The following RTKN2 variants were observed in gnomAD, a reference collection of about 807,000 sequenced individuals.
RTKN2 encodes the protein rhotekin 2.
A neutral mutation model predicts 71.5 loss-of-function variants in RTKN2; 69 were observed. The ratio of observed to expected loss-of-function variants is 0.96; its 90% CI spans 0.79 to 1.18. The LOEUF (loss-of-function observed/expected upper bound fraction) is 1.18, where lower values mean the gene tolerates loss of function less well. Ranked by LOEUF, RTKN2 falls within the 50% of genes most tolerant of loss-of-function variation. RTKN2 has a pLI of 0.00. For synonymous variants in RTKN2, 236 were observed against 236.5 expected, an observed-to-expected ratio of 1.00 and a Z score of 0.02; for missense variants, 724 against 719.7, an observed-to-expected ratio of 1.01 and a Z score of -0.07.
chr10:62,210,457 A>G (rs1180957214), intron 9 of RTKN2, among the ~76,000 whole-genome samples: 1 of 152,172 alleles, frequency 6.6e-6, no homozygotes, highest in Admixed American at 6.5e-5. Flanking sequence ...AAAAAATAAA[A>G]TACAAACACA....
intron 1 of RTKN2, among the ~76,000 whole-genome samples, chr10:62,268,284 G>A (rs1842901868): frequency 6.6e-6 from 1 of 152,236 alleles, no homozygotes; most frequent in Non-Finnish European, 1.5e-5. Context: ...GGAGGGCAGC[G>A]GACAGGTGCG....
chr10:62,190,165 C>T (rs1233143058), downstream of RTKN2, among the ~76,000 whole-genome samples: 4 of 151,774 alleles, frequency 2.6e-5, no homozygotes, highest in Non-Finnish European at 5.9e-5. Flanking sequence ...TCATTTAGGG[C>T]TTTAATGCAA....
chr10:62,225,003 T>C (rs1041581767), intron 6 of RTKN2, among the ~76,000 whole-genome samples: 1 of 152,216 alleles, frequency 6.6e-6, no homozygotes, highest in Admixed American at 6.5e-5. Context: ...CTGATTTATA[T>C]TAATTTCCCA....
intron 8 of RTKN2, among the ~76,000 whole-genome samples, chr10:62,186,925 C>A (rs1589322144): frequency 6.6e-6 from 1 of 152,182 alleles, no homozygotes; most frequent in Admixed American, 6.5e-5. Context: ...TTGATTGCGT[C>A]CCAGGAAGTT....
At chr10:62,191,525 G>A (rs903662333), downstream of RTKN2, among the ~76,000 whole-genome samples, 1 of 152,056 alleles carries the variant, frequency 6.6e-6, no homozygotes, top group Non-Finnish European at 1.5e-5. Flanking sequence ...CTTTCATACT[G>A]CCCACAGTGT....
At chr10:62,239,956 T>C (rs1564519598) in intron 4 of RTKN2, among the ~76,000 whole-genome samples, 191 bp from the exon 5 acceptor site, 1 of 152,078 alleles carries the variant, frequency 6.6e-6, no homozygotes, top group Non-Finnish European at 1.5e-5. Flanking sequence ...AGAACACAAT[T>C]AAACAAGGAA....
In RTKN2 at chr10:62,196,318, T is replaced by C. The variant is rs145745437; in HGVS notation, c.*1590A>G. On this transcript the variant is annotated 3_prime_UTR_variant, in exon 12 of 12. Coordinates refer to ENST00000373789, the MANE Select transcript of RTKN2 (RefSeq NM_145307.4). Reference sequence around the variant, plus strand: ...TTCCATACATGTGATGATCTCTACATGCTATCAAGCAGGCATATAGTACTT... The same window carrying C: ...TTCCATACATGTGATGATCTCTACACGCTATCAAGCAGGCATATAGTACTT... The C allele has an allele frequency of 3.3e-3, 3,223 of 984,084 alleles. 15 individuals are homozygous for C. Among genetic ancestry groups the C allele is most frequent in the Non-Finnish European group, 3.6e-3 (3,010 of 828,730 alleles). The allele number at this position is 984,084 out of a possible 1,614,324, so 61.0% of individuals were successfully genotyped here. A position where few individuals can be genotyped will look rare whatever the true frequency, so the allele number is the denominator to read the frequency against.
At chr10:62,245,523 C>T (rs1256496332) in intron 3 of RTKN2, among the ~76,000 whole-genome samples, 4 of 152,110 alleles carry the variant, frequency 2.6e-5, no homozygotes, top group Non-Finnish European at 1.5e-5. Context: ...GCCATCCATC[C>T]AAGAGTCACT....
intron 9 of RTKN2, among the ~76,000 whole-genome samples, chr10:62,211,222 T>C (rs917442044): frequency 1.3e-5 from 2 of 152,216 alleles, no homozygotes; most frequent in African/African-American, 4.8e-5. Context: ...AATGTCTTGC[T>C]CAAGAACATT....
At chr10:62,248,675 T>A (rs924447098) in intron 2 of RTKN2, among the ~76,000 whole-genome samples, 2 of 152,210 alleles carry the variant, frequency 1.3e-5, no homozygotes, top group African/African-American at 4.8e-5. Context: ...TTTTATTACT[T>A]ATATTTCTGC....
intron 2 of RTKN2, among the ~76,000 whole-genome samples, chr10:62,249,125 C>T (rs1263790447): frequency 2.0e-5 from 3 of 152,074 alleles, no homozygotes; most frequent in East Asian, 3.9e-4. Context: ...ATTTTCACTT[C>T]CAACCTATAC....
chr10:62,256,199 T>C (rs1439022487), intron 2 of RTKN2, among the ~76,000 whole-genome samples: 2 of 152,046 alleles, frequency 1.3e-5, no homozygotes, highest in Non-Finnish European at 2.9e-5. Context: ...TTTCTGTATT[T>C]TTTTGTAGAA....
rs528006923 is a variant in RTKN2, at chr10:62,204,830, A to G, written c.1186+27T>C. The G allele has an allele frequency of 1.9e-5, 29 of 1,510,858 alleles. No individual in the cohort carries two copies. The South Asian group carries it at 3.6e-4, about 19-fold the overall frequency. 93.6% of individuals were successfully genotyped at this position (1,510,858 alleles called of 1,614,324 possible). On this transcript the variant is annotated intron_variant, in intron 10 of 11. Transcript: ENST00000373789. ...TCCTTTTAGGCTACATAAATACACA[A>G]CTAAAAAAATCCAAATATCTATTTA... is the stretch of plus-strand genomic sequence containing the variant.
intron 5 of RTKN2, among the ~76,000 whole-genome samples, chr10:62,236,731 C>T (rs1312637453): frequency 4.6e-5 from 7 of 151,898 alleles, no homozygotes; most frequent in African/African-American, 1.4e-4. Flanking sequence ...AATGGTAAAA[C>T]AGATAAAGAA....
At chr10:62,250,624 G>A (rs1318634761) in intron 2 of RTKN2, among the ~76,000 whole-genome samples, 2 of 152,058 alleles carry the variant, frequency 1.3e-5, no homozygotes, top group East Asian at 3.8e-4. Context: ...TAATTCATAA[G>A]TTTTATTATT....
chr10:62,223,655 A>G (rs764166095), intron 6 of RTKN2, among the ~76,000 whole-genome samples: 3 of 152,212 alleles, frequency 2.0e-5, no homozygotes, highest in Non-Finnish European at 4.4e-5. Context: ...GATTAGTAAA[A>G]CAAACAAAAA....
chr10:62,236,410 C>T (rs117743469), intron 5 of RTKN2, 147 bp from the exon 6 acceptor site: 2 of 616,384 alleles, frequency 3.2e-6, no homozygotes, highest in South Asian at 2.1e-5. Context: ...CTACTTCACA[C>T]CCATAAGGAT....
intron 10 of RTKN2, among the ~76,000 whole-genome samples, chr10:62,202,780 G>C (rs1304654024): frequency 6.6e-6 from 1 of 152,206 alleles, no homozygotes; most frequent in Non-Finnish European, 1.5e-5. Flanking sequence ...AGCATGAGAT[G>C]ATCATCTAAT....
At chr10:62,189,816 T>C (rs954629451), downstream of RTKN2, among the ~76,000 whole-genome samples, 1 of 140,238 alleles carries the variant, frequency 7.1e-6, no homozygotes, top group Non-Finnish European at 1.6e-5. Context: ...GCAACAGAGA[T>C]TTTTTTTTTT....
Sources: allele counts gnomAD v4.1 joint callset (sites outside exome capture counted in the v4.1 genomes callset), GRCh38; gene constraint gnomAD v4.1.1; transcripts MANE v1.5; gene names NCBI Gene and HGNC (gene_info 2026-07-23, HGNC 2026-07-21).